MEMO1: variants seen among roughly 807,000 people sequenced by gnomAD.
MEMO1 encodes the protein protein MEMO1.
In MEMO1, 6 loss-of-function variants were observed where a neutral mutation model predicts 45.2. That is an observed-to-expected ratio of 0.13 (90% CI 0.07 to 0.26). MEMO1 has a LOEUF of 0.26. MEMO1 is among the 10% of genes least tolerant of loss of function. The pLI, the probability that MEMO1 is intolerant of heterozygous loss-of-function variation, is 1.00. For missense variants in MEMO1, 184 were observed against 370.5 expected, an observed-to-expected ratio of 0.50 and a Z score of 4.13; for synonymous variants, 78 against 124.3, an observed-to-expected ratio of 0.63 and a Z score of 2.48.
intron 8 of MEMO1, among the ~76,000 whole-genome samples, chr2:31,877,593 G>A (rs890089476): frequency 6.6e-6 from 1 of 152,146 alleles, no homozygotes; most frequent in African/African-American, 2.4e-5. Context: ...GACTGTACTG[G>A]TTTTGTTTAC....
At chr2:31,981,112 T>C (rs1329264843) in intron 2 of MEMO1, among the ~76,000 whole-genome samples, 1 of 152,218 alleles carries the variant, frequency 6.6e-6, no homozygotes, top group Admixed American at 6.5e-5. Flanking sequence ...ATCAGAATCA[T>C]ATACAGAGTT....
At chr2:31,980,386 T>C (rs746739476) in intron 2 of MEMO1, among the ~76,000 whole-genome samples, 1 of 152,098 alleles carries the variant, frequency 6.6e-6, no homozygotes, top group Non-Finnish European at 1.5e-5. Context: ...TGAGCTACGA[T>C]CACACCACTG....
chr2:31,952,733 A>G (rs901633757), intron 2 of MEMO1, among the ~76,000 whole-genome samples: 20 of 152,204 alleles, frequency 1.3e-4, no homozygotes, highest in African/African-American at 4.8e-4. Flanking sequence ...TTAGAAAAAA[A>G]GCATGCTCAG....
chr2:31,877,928 C>T (rs1382673909), intron 8 of MEMO1, among the ~76,000 whole-genome samples: 3 of 152,156 alleles, frequency 2.0e-5, no homozygotes, highest in Non-Finnish European at 4.4e-5. Flanking sequence ...TGACCACCTA[C>T]TTATATTCTA....
At chr2:31,913,248 CA>C (rs3065389) in intron 6 of MEMO1, among the ~76,000 whole-genome samples, 409 of 44,394 alleles carry the variant, frequency 9.2e-3, no homozygotes, top group African/African-American at 0.027. Context: ...GACTCCGTCT[CA>C]AAAAAAAAAA....
chr2:31,915,233 G>T (rs1281797518), intron 6 of MEMO1, among the ~76,000 whole-genome samples: 4 of 152,092 alleles, frequency 2.6e-5, no homozygotes, highest in Non-Finnish European at 2.9e-5. Flanking sequence ...TGAGCCTAGG[G>T]TCATAGCAAG....
intron 3 of MEMO1, among the ~76,000 whole-genome samples, chr2:31,936,021 T>C (rs1664878102): frequency 6.6e-6 from 1 of 152,144 alleles, no homozygotes. Context: ...TGGAGTGCAG[T>C]GGCCACATCT....
chr2:31,983,314 G>C (rs1273915073), intron 2 of MEMO1, among the ~76,000 whole-genome samples: 3 of 152,146 alleles, frequency 2.0e-5, no homozygotes, highest in East Asian at 1.9e-4. Context: ...TACAGAAAGA[G>C]ATATGTGTGT....
intron 6 of MEMO1, among the ~76,000 whole-genome samples, chr2:31,912,461 T>G (rs1240065568): frequency 6.9e-6 from 1 of 143,944 alleles, no homozygotes; most frequent in Non-Finnish European, 1.5e-5. Context: ...TGCAGTGAGC[T>G]GAGATCATGC....
intron 2 of MEMO1, among the ~76,000 whole-genome samples, chr2:31,996,516 C>T (rs1446342281): frequency 6.6e-6 from 1 of 151,884 alleles, no homozygotes; most frequent in Non-Finnish European, 1.5e-5. Context: ...TGCACTCCAG[C>T]CTGGGCAACA....
At chr2:31,906,634 T>C (rs995109825) in intron 6 of MEMO1, among the ~76,000 whole-genome samples, 1 of 152,188 alleles carries the variant, frequency 6.6e-6, no homozygotes, top group African/African-American at 2.4e-5. Context: ...AGGAGTGCTA[T>C]TCTTCTTCAG....
intron 6 of MEMO1, among the ~76,000 whole-genome samples, chr2:31,906,565 C>T (rs1255147402): frequency 1.3e-5 from 2 of 152,024 alleles, no homozygotes; most frequent in African/African-American, 4.8e-5. Context: ...CCTCATGATC[C>T]GCCCACCTTG....
intron 2 of MEMO1, among the ~76,000 whole-genome samples, chr2:31,979,196 C>T (rs1453934174): frequency 2.6e-5 from 4 of 152,186 alleles, no homozygotes; most frequent in Non-Finnish European, 4.4e-5. Context: ...AAATCCCTCA[C>T]TACGATGAGA....
intron 6 of MEMO1, among the ~76,000 whole-genome samples, chr2:31,901,673 G>A (rs1309500093): frequency 3.3e-5 from 5 of 152,098 alleles, no homozygotes; most frequent in African/African-American, 1.2e-4. Context: ...TTGGGAGGCT[G>A]AGGCGGGCAG....
At chr2:31,901,199 C>T (rs1678736657) in intron 6 of MEMO1, among the ~76,000 whole-genome samples, 1 of 151,488 alleles carries the variant, frequency 6.6e-6, no homozygotes, top group Non-Finnish European at 1.5e-5. Context: ...ATGGCGAAAC[C>T]CTGTCTCTAC....
intron 3 of MEMO1, among the ~76,000 whole-genome samples, chr2:31,932,379 T>C (rs1442719907): frequency 2.0e-5 from 3 of 152,138 alleles, no homozygotes; most frequent in Non-Finnish European, 4.4e-5. Context: ...AAGACAAATT[T>C]AGAGGTGTTC....
chr2:32,000,042 A>C (rs374343273), intron 2 of MEMO1, among the ~76,000 whole-genome samples: 8 of 151,808 alleles, frequency 5.3e-5, no homozygotes, highest in African/African-American at 1.9e-4. Context: ...ACATCACTAC[A>C]TCCAGCTAAT....
chr2:31,984,974 G>A (rs532889378), intron 2 of MEMO1, among the ~76,000 whole-genome samples: 17 of 152,168 alleles, frequency 1.1e-4, no homozygotes, highest in African/African-American at 2.7e-4. Context: ...GGGGAAAATC[G>A]GTGAGGAATA....
At chr2:31,993,079 A>G (rs1672143283) in intron 2 of MEMO1, among the ~76,000 whole-genome samples, 2 of 152,160 alleles carry the variant, frequency 1.3e-5, no homozygotes, top group African/African-American at 4.8e-5. Flanking sequence ...AGGCAGATGC[A>G]CGAGGATCAC....
Sources: allele counts gnomAD v4.1 joint callset (sites outside exome capture counted in the v4.1 genomes callset), GRCh38; gene constraint gnomAD v4.1.1; transcripts MANE v1.5; gene names NCBI Gene and HGNC (gene_info 2026-07-23, HGNC 2026-07-21).